The following FHIT variants were observed in gnomAD, a reference collection of about 807,000 sequenced individuals.
FHIT encodes fragile histidine triad diadenosine triphosphatase.
In FHIT, 19 loss-of-function variants were observed where a neutral mutation model predicts 17.9. That is an observed-to-expected ratio of 1.06 (90% confidence interval 0.74 to 1.56). FHIT has a LOEUF of 1.56. Ranked by LOEUF, FHIT falls within the 40% of genes most tolerant of loss-of-function variation. The pLI is 0.00. For synonymous variants in FHIT, 81 were observed against 69.7 expected, an observed-to-expected ratio of 1.16 and a Z score of -0.81; for missense variants, 248 against 189.2, an observed-to-expected ratio of 1.31 and a Z score of -1.82.
chr3:60,050,195 A>G (rs900536438), intron 5 of FHIT, among the ~76,000 whole-genome samples: 5 of 152,170 alleles, frequency 3.3e-5, no homozygotes, highest in African/African-American at 1.2e-4. Context: ...TGTTAGACGT[A>G]ATTTTTCAGC....
Position 59,931,081 on chromosome 3 carries a change from G to A in FHIT, c.280-8667C>T, listed in dbSNP as rs116867249. On this transcript the variant is annotated intron_variant, in intron 7 of 9. Coordinates refer to ENST00000492590, the MANE Select transcript of FHIT (RefSeq NM_002012.4). The stretch of plus-strand genomic sequence containing the variant: ...TCCCAACGCATAAGACTTTTATACC[G>A]ATTATGTGAAATACATAGGTAAAGT... Among the ~76,000 whole-genome samples, 73 of 152,254 alleles carry A rather than the reference G, an allele frequency of 4.8e-4. 1 individual carries two copies. In the East Asian group the frequency reaches 0.013, roughly 28 times the overall value.
chr3:60,643,516 G>A (rs1553685953), intron 4 of FHIT, among the ~76,000 whole-genome samples: 1 of 152,128 alleles, frequency 6.6e-6, no homozygotes. Context: ...GAGGCAGAGT[G>A]ATCTTAACTG....
chr3:60,381,803 T>C (rs1429296562), intron 5 of FHIT, among the ~76,000 whole-genome samples: 3 of 133,280 alleles, frequency 2.3e-5, no homozygotes, highest in African/African-American at 8.7e-5. Context: ...AATAGTGTGA[T>C]GATAATGGCT....
At chr3:60,486,201 A>G (rs75322290) in intron 5 of FHIT, among the ~76,000 whole-genome samples, 314 of 152,296 alleles carry the variant, frequency 2.1e-3, no homozygotes, top group African/African-American at 7.2e-3. Context: ...AAAATGAGAG[A>G]GTATATAAAC....
At chr3:60,880,086 T>G (rs1704887602) in intron 3 of FHIT, among the ~76,000 whole-genome samples, 1 of 152,152 alleles carries the variant, frequency 6.6e-6, no homozygotes, top group South Asian at 2.1e-4. Context: ...TATAGTTCAA[T>G]TGTCAAAGTC....
At chr3:61,236,958 T>C (rs1423054972) in intron 1 of FHIT, among the ~76,000 whole-genome samples, 2 of 152,144 alleles carry the variant, frequency 1.3e-5, no homozygotes, top group Non-Finnish European at 2.9e-5. Flanking sequence ...CCATTTCCAA[T>C]GGAATCCCCC....
At chr3:60,583,198 G>A (rs2037802938) in intron 4 of FHIT, among the ~76,000 whole-genome samples, 1 of 151,860 alleles carries the variant, frequency 6.6e-6, no homozygotes, top group African/African-American at 2.4e-5. Context: ...TATTTTAACA[G>A]TTTTCACAAA....
chr3:60,429,244 G>C (rs1483733924), intron 5 of FHIT, among the ~76,000 whole-genome samples: 1 of 151,922 alleles, frequency 6.6e-6, no homozygotes, highest in East Asian at 1.9e-4. Flanking sequence ...CCTTCTTTAA[G>C]TGATTTTAAA....
chr3:60,861,613 T>C (rs1381901557), intron 3 of FHIT, among the ~76,000 whole-genome samples: 3 of 152,012 alleles, frequency 2.0e-5, no homozygotes, highest in Admixed American at 2.0e-4. Context: ...AGGATATTGA[T>C]AGTCTAGTCT....
At chr3:59,819,139 C>A (rs904320176) in intron 8 of FHIT, among the ~76,000 whole-genome samples, 1 of 152,188 alleles carries the variant, frequency 6.6e-6, no homozygotes, top group African/African-American at 2.4e-5. Flanking sequence ...TTATCGGATA[C>A]AACTTCTGTT....
At chr3:60,127,566 A>AT (rs1315854697) in intron 5 of FHIT, among the ~76,000 whole-genome samples, 2 of 152,186 alleles carry the variant, frequency 1.3e-5, no homozygotes, top group East Asian at 1.9e-4. Context: ...TATACATCTT[A>AT]TTTTTTATGC....
chr3:59,758,945 C>T (rs1019132813), intron 8 of FHIT, among the ~76,000 whole-genome samples: 1 of 151,872 alleles, frequency 6.6e-6, no homozygotes, highest in East Asian at 1.9e-4. Context: ...CTACATTTTT[C>T]ATGGATGCAT....
At chr3:61,242,978 C>A (rs1431895550) in intron 1 of FHIT, among the ~76,000 whole-genome samples, 4 of 152,114 alleles carry the variant, frequency 2.6e-5, no homozygotes, top group Non-Finnish European at 4.4e-5. Context: ...ACTCCTAAAC[C>A]ATAATTTCTA....
chr3:60,840,953 T>C (rs1467709737), intron 3 of FHIT, among the ~76,000 whole-genome samples: 1 of 152,236 alleles, frequency 6.6e-6, no homozygotes, highest in African/African-American at 2.4e-5. Flanking sequence ...ATCATGTACA[T>C]TTTGCTTGAT....
intron 8 of FHIT, among the ~76,000 whole-genome samples, chr3:59,874,978 G>C (rs1217113407): frequency 6.6e-6 from 1 of 152,120 alleles, no homozygotes; most frequent in Non-Finnish European, 1.5e-5. Flanking sequence ...CTCCTATTTC[G>C]GCAAGTGCTT....
chr3:60,283,865 A>C (rs1707587306), intron 5 of FHIT, among the ~76,000 whole-genome samples: 1 of 152,098 alleles, frequency 6.6e-6, no homozygotes, highest in Non-Finnish European at 1.5e-5. Flanking sequence ...AGGGAAAATA[A>C]AAGAAGTTTC....
chr3:60,101,968 G>C (rs1704208691), intron 5 of FHIT, among the ~76,000 whole-genome samples: 2 of 152,152 alleles, frequency 1.3e-5, no homozygotes, highest in South Asian at 2.1e-4. Context: ...TTCTGCTCAA[G>C]GATCAGTTTA....
intron 1 of FHIT, among the ~76,000 whole-genome samples, chr3:61,207,725 C>G (rs2039296705): frequency 6.6e-6 from 1 of 152,062 alleles, no homozygotes; most frequent in African/African-American, 2.4e-5. Flanking sequence ...CTTCATTAGT[C>G]TTGCTAGAGG....
chr3:60,391,933 C>CT lies in FHIT; in HGVS notation c.103+144926dup, dbSNP rs1323693253. 4.7e-3 allele frequency among the ~76,000 whole-genome samples: 700 copies of CT among 149,128 alleles called. 11 individuals are homozygous for CT. Among genetic ancestry groups the CT allele is most frequent in the Admixed American group, 0.022 (323 of 14,882 alleles). On this transcript the variant is annotated intron_variant, in intron 5 of 9. Coordinates refer to ENST00000492590, the MANE Select transcript of FHIT (RefSeq NM_002012.4). ...TGCCTTTCCTTAATGTTTCTTTCTT[C>CT]TTTTTTTCTTTTTTTAATTCTGATT...
Sources: allele counts gnomAD v4.1 joint callset (sites outside exome capture counted in the v4.1 genomes callset), GRCh38; gene constraint gnomAD v4.1.1; transcripts MANE v1.5; gene names NCBI Gene and HGNC (gene_info 2026-07-23, HGNC 2026-07-21).